SMOC2: variants seen among roughly 807,000 people sequenced by gnomAD.
SMOC2 encodes the protein SPARC-related modular calcium-binding protein 2.
SMOC2 carries 39 observed loss-of-function variants against 61.4 expected under a neutral mutation model. The observed-to-expected ratio is 0.64, with a 90% CI of 0.49 to 0.83. The LOEUF (loss-of-function observed/expected upper bound fraction) is 0.83. SMOC2 is among the 40% of genes least tolerant of loss of function. The probability of loss-of-function intolerance (pLI) is 0.00; values close to 1 mark genes in which losing one functional copy is unlikely to be tolerated. For missense variants in SMOC2, 556 were observed against 592.9 expected (o/e 0.94, Z 0.65); for synonymous variants, 247 against 239.9 (o/e 1.03, Z -0.27).
intron 9 of SMOC2, among the ~76,000 whole-genome samples, chr6:168,635,954 G>A (rs780530155): frequency 8.6e-5 from 13 of 151,830 alleles, no homozygotes; most frequent in Non-Finnish European, 1.8e-4. Flanking sequence ...ATCATTCCAG[G>A]AAGCTTATAA....
intron 7 of SMOC2, among the ~76,000 whole-genome samples, chr6:168,555,102 A>G (rs1784216228): frequency 6.6e-6 from 1 of 152,234 alleles, no homozygotes; most frequent in Non-Finnish European, 1.5e-5. Context: ...AGCGCAGCTC[A>G]GGGCTTCCCT....
At chr6:168,549,062 C>T (rs1186095182) in intron 6 of SMOC2, 67 bp from the exon 7 acceptor site, 26 of 1,320,880 alleles carry the variant, frequency 2.0e-5, no homozygotes, top group African/African-American at 2.9e-5. Flanking sequence ...TGCTGCACTG[C>T]GTAACTAAGG....
At chr6:168,449,237 G>A (rs1320842958) in intron 1 of SMOC2, among the ~76,000 whole-genome samples, 4 of 152,018 alleles carry the variant, frequency 2.6e-5, no homozygotes, top group South Asian at 2.1e-4. Context: ...TTCTTATAAC[G>A]TTGAGAAAAA....
intron 9 of SMOC2, among the ~76,000 whole-genome samples, chr6:168,612,813 A>C (rs1785916033): frequency 6.6e-6 from 1 of 152,224 alleles, no homozygotes. Context: ...ACAGAGGTGC[A>C]GGGAGATGCA....
At chr6:168,522,995 C>T (rs572272514) in intron 2 of SMOC2, among the ~76,000 whole-genome samples, 40 of 151,146 alleles carry the variant, frequency 2.6e-4, no homozygotes, top group African/African-American at 8.7e-4. Context: ...TTGCCCAACA[C>T]TATGAATGTG....
At chr6:168,555,927 G>T (rs867845514) in intron 7 of SMOC2, among the ~76,000 whole-genome samples, 1 of 152,188 alleles carries the variant, frequency 6.6e-6, no homozygotes, top group Non-Finnish European at 1.5e-5. Context: ...GCGGCTGCTG[G>T]ATGGGTCGGG....
intron 7 of SMOC2, among the ~76,000 whole-genome samples, chr6:168,549,427 A>G (rs1443250761): frequency 1.3e-5 from 2 of 152,340 alleles, no homozygotes; most frequent in Admixed American, 6.5e-5. Context: ...TAGTTAACAC[A>G]TAGTTTGTAT....
intron 1 of SMOC2, among the ~76,000 whole-genome samples, chr6:168,457,898 G>A (rs957923648): frequency 3.3e-5 from 5 of 152,038 alleles, no homozygotes; most frequent in African/African-American, 1.2e-4. Flanking sequence ...TCAAGGTGGG[G>A]GGCCCTTGCA....
chr6:168,519,087 G>T (rs1017254086), intron 2 of SMOC2, among the ~76,000 whole-genome samples: 2 of 151,302 alleles, frequency 1.3e-5, no homozygotes, highest in East Asian at 3.9e-4. Context: ...ATGCGTGCAT[G>T]TGTGAACATG....
At chr6:168,508,852 G>A (rs763043836) in intron 1 of SMOC2, among the ~76,000 whole-genome samples, 4 of 152,188 alleles carry the variant, frequency 2.6e-5, no homozygotes, top group African/African-American at 9.7e-5. Flanking sequence ...ACAGCTCTGC[G>A]CGTTTCTTTC....
chr6:168,517,940 G>C (rs1359294764), intron 2 of SMOC2, among the ~76,000 whole-genome samples: 1 of 152,232 alleles, frequency 6.6e-6, no homozygotes, highest in Non-Finnish European at 1.5e-5. Context: ...GCCTGGGCCG[G>C]GGGGCTCTGT....
intron 1 of SMOC2, among the ~76,000 whole-genome samples, chr6:168,486,109 T>G (rs936566829): frequency 1.3e-5 from 2 of 152,226 alleles, no homozygotes; most frequent in African/African-American, 4.8e-5. Context: ...CTTCTTACTG[T>G]GGGGACTGTT....
chr6:168,655,945 G>A (rs1440653855), intron 11 of SMOC2, among the ~76,000 whole-genome samples: 2 of 151,420 alleles, frequency 1.3e-5, no homozygotes, highest in African/African-American at 4.9e-5. Flanking sequence ...GTGTGTGCTG[G>A]ATCCCCCGTA....
chr6:168,634,628 C>G (rs1786665596), intron 9 of SMOC2, among the ~76,000 whole-genome samples: 1 of 152,226 alleles, frequency 6.6e-6, no homozygotes. Flanking sequence ...CATAGTGCAG[C>G]TGGTTTTCCA....
chr6:168,609,615 A>G (rs1785801338), intron 9 of SMOC2, among the ~76,000 whole-genome samples: 1 of 152,150 alleles, frequency 6.6e-6, no homozygotes, highest in Non-Finnish European at 1.5e-5. Context: ...ATCTGGTGTC[A>G]TCTCTTGTCT....
intron 9 of SMOC2, among the ~76,000 whole-genome samples, chr6:168,634,473 C>T (rs547527043): frequency 1.3e-5 from 2 of 152,312 alleles, no homozygotes; most frequent in East Asian, 3.9e-4. Flanking sequence ...TCATAGGTCT[C>T]AGGATCCTAC....
At chr6:168,550,330 C>G (rs1222533276) in intron 7 of SMOC2, among the ~76,000 whole-genome samples, 1 of 152,156 alleles carries the variant, frequency 6.6e-6, no homozygotes, top group Non-Finnish European at 1.5e-5. Context: ...ATATATTCTT[C>G]TGCTTACAAA....
chr6:168,626,481 T>G (rs1786413231), intron 9 of SMOC2, among the ~76,000 whole-genome samples: 1 of 152,180 alleles, frequency 6.6e-6, no homozygotes, highest in Non-Finnish European at 1.5e-5. Context: ...ATCCATGCAG[T>G]TAACAGGAAC....
chr6:168,538,539 G>T (rs1270567121), intron 4 of SMOC2, among the ~76,000 whole-genome samples: 2 of 123,132 alleles, frequency 1.6e-5, no homozygotes, highest in African/African-American at 6.3e-5. Context: ...GGGGAGTGGG[G>T]TGACCGCTGC....
Sources: gnomAD v4.1 joint callset for allele counts (sites outside exome capture counted in the v4.1 genomes callset) on GRCh38, gnomAD v4.1.1 for gene constraint, MANE v1.5 for transcripts, NCBI Gene and HGNC (gene_info 2026-07-23, HGNC 2026-07-21) for gene names.